The following CLN8 variants were observed in gnomAD, a reference collection of about 807,000 sequenced individuals.
CLN8 encodes the protein CLN8 transmembrane ER and ERGIC protein.
A neutral mutation model predicts 15.7 loss-of-function variants in CLN8; 14 were observed. The ratio of observed to expected loss-of-function variants is 0.89; its 90% CI spans 0.59 to 1.39. The LOEUF is 1.39. Ranked by LOEUF, CLN8 falls within the 40% of genes most tolerant of loss-of-function variation. The probability of loss-of-function intolerance (pLI) is 0.00; values close to 1 mark genes in which losing one functional copy is unlikely to be tolerated. For missense variants in CLN8, 415 were observed against 364.0 expected (o/e 1.14, Z -1.14); for synonymous variants, 188 against 151.0 (o/e 1.25, Z -1.80).
At chr8:1,761,643 A>C (rs1237223636), upstream of CLN8, among the ~76,000 whole-genome samples, 1 of 152,142 alleles carries the variant, frequency 6.6e-6, no homozygotes, top group Non-Finnish European at 1.5e-5. Flanking sequence ...CAGAGTTTTT[A>C]AGGATAATTT....
chr8:1,772,187 G>C (rs1392210570), intron 2 of CLN8, among the ~76,000 whole-genome samples: 1 of 151,956 alleles, frequency 6.6e-6, no homozygotes, highest in African/African-American at 2.4e-5. Context: ...CCGCCTGCCT[G>C]GGCCTCCCAA....
chr8:1,779,086 G>A (rs1801622388), intron 2 of CLN8, among the ~76,000 whole-genome samples: 2 of 152,126 alleles, frequency 1.3e-5, no homozygotes, highest in South Asian at 2.1e-4. Context: ...GGTTGTGTGG[G>A]TACTTGAAGT....
In CLN8 at chr8:1,771,282, G is replaced by A. The variant is rs1585137825; in HGVS notation, c.228G>A (p.Gln76=). 2 of 1,614,182 alleles carry A rather than the reference G, an allele frequency of 1.2e-6. No homozygotes were observed. The highest frequency in any genetic ancestry group is 1.7e-6 in the Non-Finnish European group (2 of 1,180,020). ...CCACGCGTGCAGTCTTTGGTGTTCAGAGCACAGCCGCAGGCCTGTGGGCTC... is the reference window on the plus strand; with the variant it reads ...CCACGCGTGCAGTCTTTGGTGTTCAAAGCACAGCCGCAGGCCTGTGGGCTC... ...LAATRAVFGV[Q]STAAGLWALL... is the part of the protein sequence containing the mutation. The change falls in exon 2 of 3, where the codon CAG becomes CAA. Residue 76 remains glutamine, a synonymous_variant. Coordinates refer to ENST00000331222, the MANE Select transcript of CLN8 (RefSeq NM_018941.4).
At position 1,772,549 on chromosome 8, in the gene CLN8, C is replaced by T. The variant is rs537971750; in HGVS notation, c.543+952C>T. 2.0e-5 allele frequency among the ~76,000 whole-genome samples: 3 copies of T among 152,310 alleles called. No individual in the cohort carries two copies. The South Asian group carries it at 6.2e-4, about 32-fold the overall frequency. On this transcript the variant is annotated intron_variant, in intron 2 of 2. Transcript: ENST00000331222. ...TCTTGGCTCACTGCAACCTCCGCCA[C>T]CCGGATTCAAGCAATTCTCTTGCCT...
chr8:1,771,160 T>A lies in CLN8; in HGVS notation c.106T>A (p.Leu36Met), dbSNP rs1554448978. The A allele has an allele frequency of 6.2e-7, 1 of 1,613,956 alleles. No homozygotes were observed. The highest frequency in any genetic ancestry group is 1.7e-5 in the Admixed American group (1 of 59,998). ...TLMVAGFVFY[L>M]GVFVVCHQLS... ...GATGGTCGCTGGCTTTGTCTTCTACTTGGGCGTCTTTGTGGTCTGCCACCA... is the reference window on the plus strand; with the variant it reads ...GATGGTCGCTGGCTTTGTCTTCTACATGGGCGTCTTTGTGGTCTGCCACCA... Residue 36 changes from leucine to methionine, a missense_variant, in exon 2 of 3, where the codon TTG becomes ATG. Leu to Met is a conservative substitution (Grantham distance 15). Coordinates refer to ENST00000331222, the MANE Select transcript of CLN8 (RefSeq NM_018941.4).
chr8:1,780,867 G>T lies in CLN8; in HGVS notation c.*300G>T. On this transcript the variant is annotated 3_prime_UTR_variant, in exon 3 of 3. Transcript: ENST00000331222. ...CGGGGCGTCACACCTGTTGAGGAGT[G>T]GGGTGGCTTTGAATGCTGGAAATGG... The T allele has an allele frequency of 2.1e-6, 1 of 478,650 alleles. No individual in the cohort carries two copies. Among genetic ancestry groups the T allele is most frequent in the African/African-American group, 1.9e-5 (1 of 51,712 alleles). The allele number at this position is 478,650 out of a possible 1,614,324, so 29.7% of individuals were successfully genotyped here.
In CLN8 at chr8:1,771,206, C is replaced by G. The variant is rs866717923; in HGVS notation, c.152C>G (p.Ala51Gly). 1 of 1,614,050 alleles carries G rather than the reference C, an allele frequency of 6.2e-7. No individual in the cohort carries two copies. Among genetic ancestry groups the G allele is most frequent in the African/African-American group, 1.3e-5 (1 of 75,002 alleles). The change falls in exon 2 of 3, where the codon GCC (alanine) becomes GGC (glycine). Residue 51 changes from alanine (A) to glycine (G), a missense_variant. By Grantham distance (60) the Ala-to-Gly change is moderately conservative (BLOSUM62 0). Transcript: ENST00000331222. ...VCHQLSSSLNATYRSLVAREK... is the reference protein window; with the variant it reads ...VCHQLSSSLNGTYRSLVAREK... The stretch of plus-strand genomic sequence containing the variant: ...CACCAGCTGTCCTCTTCCCTGAATG[C>G]CACTTACCGTTCTTTGGTGGCCAGA...
intron 2 of CLN8, among the ~76,000 whole-genome samples, chr8:1,774,804 T>C (rs893653803): frequency 6.6e-6 from 1 of 152,098 alleles, no homozygotes; most frequent in African/African-American, 2.4e-5. Flanking sequence ...ACCAGCAACA[T>C]GGCAAAACCT....
At chr8:1,764,013 AG>A (rs1800933364) in intron 1 of CLN8, 128 bp downstream of exon 1, 1 of 147,404 alleles carries the variant, frequency 6.8e-6, no homozygotes, top group South Asian at 2.1e-4. Flanking sequence ...GCGCGCGTGG[AG>A]CCCAGGCGAG....
At chr8:1,780,036 G>C (rs1287665530) in intron 2 of CLN8, 2 of 985,376 alleles carry the variant, frequency 2.0e-6, no homozygotes, top group Admixed American at 6.1e-5. Flanking sequence ...AGCGGGCAAG[G>C]GTCAGCCCTG....
upstream of CLN8, chr8:1,758,807 T>A (rs1314609629): frequency 6.6e-6 from 1 of 152,148 alleles, no homozygotes; most frequent in Non-Finnish European, 1.5e-5. Flanking sequence ...TGGGTTACGA[T>A]AAAGGTTGTG....
chr8:1,765,222 G>A (rs555173438), intron 1 of CLN8: 6 of 152,354 alleles, frequency 3.9e-5, no homozygotes, highest in African/African-American at 9.6e-5. Flanking sequence ...GTAGGACACC[G>A]GGTAGGTAAA....
chr8:1,773,105 C>G (rs1439266310), intron 2 of CLN8: 4 of 394,070 alleles, frequency 1.0e-5, no homozygotes, highest in South Asian at 1.4e-4. Context: ...CCTGGGAACT[C>G]AAGGAGGAAC....
Position 1,771,348 on chromosome 8 carries a change from C to G in CLN8, c.294C>G (p.Gly98=), listed in dbSNP as rs753682420. 1.2e-6 allele frequency: 2 copies of G among 1,614,170 alleles called. No homozygotes were observed. The highest frequency in any genetic ancestry group is 1.7e-6 in the Non-Finnish European group (2 of 1,180,036). Residue 98 remains glycine (G), a synonymous_variant, in exon 2 of 3, where the codon GGC becomes GGG. Transcript: ENST00000331222. The part of the protein sequence containing the change: ...DPVLHADKAR[G]QQNWCWFHIT... ...TGCTGCATGCCGACAAGGCGCGTGG[C>G]CAGCAGAACTGGTGCTGGTTTCACA...
rs1246145705 is a variant in CLN8 at position 1,772,899 on chromosome 8, G to T, written c.543+1302G>T. On this transcript the variant is annotated intron_variant, in intron 2 of 2. Transcript: ENST00000331222. ...TCAGCCATTCACACAAATGGGTCAT[G>T]TTACTGCACATTTCTTGTCTACAGG... The T allele has an allele frequency of 7.5e-6, 3 of 398,506 alleles. No individual in the cohort carries two copies. In the Admixed American group the frequency reaches 1.3e-4, roughly 18 times the overall value. 24.7% of individuals were successfully genotyped at this position (398,506 alleles called of 1,614,324 possible).
At chr8:1,767,156 C>T (rs1365013955) in intron 1 of CLN8, among the ~76,000 whole-genome samples, 2 of 152,192 alleles carry the variant, frequency 1.3e-5, no homozygotes, top group Non-Finnish European at 1.5e-5. Context: ...TGCTGGTTGG[C>T]ATTAACTAAA....
At chr8:1,775,832 T>C (rs2129013621) in intron 2 of CLN8, among the ~76,000 whole-genome samples, 1 of 152,366 alleles carries the variant, frequency 6.6e-6, no homozygotes, top group Non-Finnish European at 1.5e-5. Flanking sequence ...CTGTTGATAC[T>C]GTACGCTCTC....
intron 1 of CLN8, among the ~76,000 whole-genome samples, chr8:1,766,186 T>G (rs1015626726): frequency 6.6e-6 from 1 of 152,142 alleles, no homozygotes; most frequent in Admixed American, 6.5e-5. Context: ...CCACAGAATC[T>G]TATAAGACAA....
chr8:1,760,827 C>T (rs1306906099), upstream of CLN8, among the ~76,000 whole-genome samples: 1 of 151,970 alleles, frequency 6.6e-6, no homozygotes, highest in African/African-American at 2.4e-5. Context: ...GTGGGGAGCC[C>T]GCGGAAAGCA....
Sources: allele counts gnomAD v4.1 joint callset (sites outside exome capture counted in the v4.1 genomes callset), GRCh38; gene constraint gnomAD v4.1.1; transcripts MANE v1.5; gene names NCBI Gene and HGNC (gene_info 2026-07-23, HGNC 2026-07-21).